The following ZNF804B variants were observed in gnomAD, a reference collection of about 807,000 sequenced individuals.
ZNF804B encodes the protein zinc finger 804B.
A neutral mutation model predicts 101.4 loss-of-function variants in ZNF804B; 80 were observed. That is an observed-to-expected ratio of 0.79 (90% CI 0.66 to 0.95). The LOEUF is 0.95. Among genes scored for constraint, ZNF804B ranks in the 40% least tolerant of loss-of-function variants. The pLI is 0.00. For synonymous variants in ZNF804B, 622 were observed against 558.8 expected, an observed-to-expected ratio of 1.11 and a Z score of -1.59; for missense variants, 1,673 against 1,561.9, an observed-to-expected ratio of 1.07 and a Z score of -1.20.
chr7:88,937,133 A>AAAAAAAG (rs1554347654), intron 1 of ZNF804B, among the ~76,000 whole-genome samples: 8 of 151,020 alleles, frequency 5.3e-5, no homozygotes, highest in African/African-American at 1.9e-4. Context: ...AAAAAAAAAA[A>AAAAAAAG]GTATTATTGC....
chr7:88,774,975 A>G (rs1242141161), intron 1 of ZNF804B, among the ~76,000 whole-genome samples: 5 of 152,222 alleles, frequency 3.3e-5, no homozygotes, highest in Non-Finnish European at 7.3e-5. Context: ...AAGTTTTCAC[A>G]AACATTTTGG....
chr7:88,952,891 A>G (rs141938238), intron 1 of ZNF804B, among the ~76,000 whole-genome samples: 2 of 151,918 alleles, frequency 1.3e-5, no homozygotes, highest in East Asian at 3.9e-4. Flanking sequence ...AAGAGTGGCA[A>G]CTACAGTAAG....
intron 1 of ZNF804B, among the ~76,000 whole-genome samples, chr7:88,955,144 CTA>C (rs1793286429): frequency 3.4e-5 from 5 of 148,520 alleles, no homozygotes; most frequent in Non-Finnish European, 7.5e-5. Context: ...TTTAAAATAA[CTA>C]TGTGGTAAAT....
intron 1 of ZNF804B, among the ~76,000 whole-genome samples, chr7:89,142,370 A>G (rs1303403433): frequency 6.6e-6 from 1 of 151,982 alleles, no homozygotes; most frequent in African/African-American, 2.4e-5. Context: ...CACTCTTACA[A>G]TAAGAACATA....
At chr7:89,068,810 A>G (rs1368643645) in intron 1 of ZNF804B, among the ~76,000 whole-genome samples, 1 of 152,210 alleles carries the variant, frequency 6.6e-6, no homozygotes, top group Non-Finnish European at 1.5e-5. Context: ...TTGTTAGACT[A>G]GTCTAGGAAA....
intron 2 of ZNF804B, among the ~76,000 whole-genome samples, chr7:89,289,359 AAAC>A (rs959978132): frequency 3.3e-5 from 5 of 151,808 alleles, no homozygotes; most frequent in African/African-American, 7.2e-5. Flanking sequence ...AAAAACCAAC[AAAC>A]AACAACAACA....
At position 88,918,268 on chromosome 7, in the gene ZNF804B, T is replaced by G. The variant is rs114228920; in HGVS notation, c.108+158184T>G. On this transcript the variant is annotated intron_variant, in intron 1 of 3. Coordinates refer to ENST00000333190, the MANE Select transcript of ZNF804B (RefSeq NM_181646.5). ...CCGTTGGCATGTGCTCTTTAAGATA[T>G]GCAATGCGTTAGAATTATTGGCACT... Among the ~76,000 whole-genome samples, 1,339 of 152,232 alleles carry G rather than the reference T, an allele frequency of 8.8e-3. 19 individuals carry two copies. Among genetic ancestry groups the G allele is most frequent in the African/African-American group, 0.03 (1,266 of 41,538 alleles).
chr7:89,335,697 T>C lies in ZNF804B; in HGVS notation c.2715T>C (p.Ser905=). The C allele has an allele frequency of 6.2e-7, 1 of 1,614,060 alleles. No homozygotes were observed. Residue 905 remains serine, a synonymous_variant, in exon 4 of 4, where the codon AGT becomes AGC. Coordinates refer to ENST00000333190, the MANE Select transcript of ZNF804B (RefSeq NM_181646.5). ...GCTGCCTTCTAAAGAACTGTTCCAGTGGCCCTTCAGAAACCACAGAATCAA... is the reference window on the plus strand; with the variant it reads ...GCTGCCTTCTAAAGAACTGTTCCAGCGGCCCTTCAGAAACCACAGAATCAA... ...NISCLLKNCS[S]GPSETTESNT...
chr7:89,334,059 C>T lies in ZNF804B; in HGVS notation c.1077C>T (p.His359=), dbSNP rs200613424. Residue 359 remains histidine, a synonymous_variant, in exon 4 of 4, where the codon CAC becomes CAT. Transcript: ENST00000333190. The stretch of plus-strand genomic sequence containing the variant: ...ACACTTTAGAAAATTGTGTTAATCA[C>T]CCATGCCAAGCAAATGCTTCCTTCA... The part of the protein sequence containing the change: ...LKNTLENCVN[H]PCQANASFSP... 2.0e-5 allele frequency: 32 copies of T among 1,613,424 alleles called. No homozygotes were observed. The highest frequency in any genetic ancestry group is 2.6e-5 in the Non-Finnish European group (31 of 1,179,776).
At chr7:88,926,863 T>C in intron 1 of ZNF804B, among the ~76,000 whole-genome samples, 1 of 151,810 alleles carries the variant, frequency 6.6e-6, no homozygotes, top group African/African-American at 2.4e-5. Context: ...GTGTAGACTT[T>C]TTATTTTTTG....
intron 2 of ZNF804B, among the ~76,000 whole-genome samples, chr7:89,288,498 G>T (rs962102976): frequency 5.9e-5 from 9 of 152,042 alleles, no homozygotes; most frequent in Non-Finnish European, 1.2e-4. Context: ...AAAAAGAGAA[G>T]ACCTTATAAG....
Position 89,336,843 on chromosome 7 carries a change from C to A in ZNF804B, c.3861C>A (p.Pro1287=). 1.2e-6 allele frequency: 2 copies of A among 1,614,082 alleles called. No individual in the cohort carries two copies. Among genetic ancestry groups the A allele is most frequent in the South Asian group, 2.2e-5 (2 of 91,076 alleles). ...HPSHITLQPL[P]PTAFIPTLFG... ...CTCACATAACACTTCAGCCTCTGCC[C>A]CCTACAGCATTTATTCCTACATTGT... The change falls in exon 4 of 4, where the codon CCC becomes CCA. Residue 1287 remains proline, a synonymous_variant. Coordinates refer to ENST00000333190, the MANE Select transcript of ZNF804B (RefSeq NM_181646.5).
At chr7:88,931,367 T>A (rs1027521260) in intron 1 of ZNF804B, among the ~76,000 whole-genome samples, 4 of 151,906 alleles carry the variant, frequency 2.6e-5, no homozygotes, top group Admixed American at 1.3e-4. Context: ...TTGGGATTGC[T>A]GTTATTGTTC....
intron 1 of ZNF804B, among the ~76,000 whole-genome samples, chr7:89,003,512 T>A (rs866770601): frequency 1.3e-5 from 2 of 151,986 alleles, no homozygotes; most frequent in Non-Finnish European, 2.9e-5. Flanking sequence ...TCCTAGAAAC[T>A]GAAGAGCTAT....
chr7:89,136,986 A>G (rs1356381200), intron 1 of ZNF804B, among the ~76,000 whole-genome samples: 1 of 152,028 alleles, frequency 6.6e-6, no homozygotes, highest in Admixed American at 6.6e-5. Flanking sequence ...ACAACCACGT[A>G]AGAAATGACT....
At chr7:89,164,346 G>T (rs927192329) in intron 1 of ZNF804B, among the ~76,000 whole-genome samples, 2 of 152,010 alleles carry the variant, frequency 1.3e-5, no homozygotes, top group Admixed American at 6.6e-5. Context: ...TCTCACAAGT[G>T]CCTTGTTTCT....
At position 89,333,503 on chromosome 7, in the gene ZNF804B, C is replaced by T. The variant is rs1380554394; in HGVS notation, c.521C>T (p.Pro174Leu). Residue 174 changes from proline to leucine, a missense_variant, in exon 4 of 4, where the codon CCC (proline) becomes CTC (leucine). Pro to Leu is a moderately conservative substitution (Grantham distance 98, BLOSUM62 -3). Transcript: ENST00000333190. ...CTTCTCCTTAAAGGAAAAAATCTCC[C>T]CAGAATCATATCCGATAAACAGCGG... ...SALLLKGKNLPRIISDKQRST... is the reference protein window; with the variant it reads ...SALLLKGKNLLRIISDKQRST... 6.2e-7 allele frequency: 1 copy of T among 1,613,270 alleles called. No individual in the cohort carries two copies. The highest frequency in any genetic ancestry group is 8.5e-7 in the Non-Finnish European group (1 of 1,179,602).
intron 1 of ZNF804B, among the ~76,000 whole-genome samples, chr7:88,843,466 G>A (rs1369428754): frequency 2.0e-5 from 3 of 152,054 alleles, no homozygotes; most frequent in Non-Finnish European, 2.9e-5. Flanking sequence ...GGCTGGGCGC[G>A]GTAGCTCACG....
chr7:88,986,687 G>T (rs1398478992), intron 1 of ZNF804B, among the ~76,000 whole-genome samples: 3 of 152,136 alleles, frequency 2.0e-5, no homozygotes, highest in African/African-American at 7.2e-5. Context: ...AGCTTCTCTA[G>T]CAATCACCTT....
Sources: allele counts gnomAD v4.1 joint callset (sites outside exome capture counted in the v4.1 genomes callset), GRCh38; gene constraint gnomAD v4.1.1; transcripts MANE v1.5; gene names NCBI Gene and HGNC (gene_info 2026-07-23, HGNC 2026-07-21).